Variants in IGF2BP1 observed in about 807,000 individuals in gnomAD.
IGF2BP1 encodes the protein insulin like growth factor 2 mRNA binding protein 1.
IGF2BP1 carries 11 observed loss-of-function variants against 74.9 expected under a neutral mutation model. That is an observed-to-expected ratio of 0.15 (90% CI 0.09 to 0.24). The LOEUF is 0.24. Among genes scored for constraint, IGF2BP1 ranks in the 10% least tolerant of loss-of-function variants. The pLI is 1.00. For synonymous variants in IGF2BP1, 287 were observed against 281.8 expected, an observed-to-expected ratio of 1.02 and a Z score of -0.18; for missense variants, 440 against 757.4, an observed-to-expected ratio of 0.58 and a Z score of 4.92.
At chr17:49,014,928 G>A in intron 2 of IGF2BP1, 1 of 985,254 alleles carries the variant, frequency 1.0e-6, no homozygotes, top group South Asian at 4.7e-5. Context: ...CCCTCTGGAG[G>A]ACAGAGCCCG....
intron 1 of IGF2BP1, 115 bp downstream of exon 1, chr17:48,998,035 G>A: frequency 8.3e-7 from 1 of 1,210,844 alleles, no homozygotes; most frequent in Non-Finnish European, 1.2e-6. Context: ...GCGGGGTTTG[G>A]CCTCCGTACC....
chr17:49,046,113 TC>T, intron 13 of IGF2BP1, 92 bp downstream of exon 13: 1 of 1,514,180 alleles, frequency 6.6e-7, no homozygotes, highest in Non-Finnish European at 9.1e-7. Context: ...ACCTCAGGAC[TC>T]CTGATTTGCT....
intron 2 of IGF2BP1, among the ~76,000 whole-genome samples, chr17:49,006,742 G>T (rs984607947): frequency 3.3e-5 from 5 of 152,200 alleles, no homozygotes; most frequent in Non-Finnish European, 5.9e-5. Flanking sequence ...AAGGGGATCT[G>T]TGCGTAGGGT....
chr17:49,027,566 TTGCCA>T, intron 4 of IGF2BP1, among the ~76,000 whole-genome samples: 1 of 152,162 alleles, frequency 6.6e-6, no homozygotes, highest in East Asian at 1.9e-4. Context: ...CATAAAAAGT[TTGCCA>T]GCCGGGCGCG....
rs1480251404 is a variant in IGF2BP1 at position 49,051,255 on chromosome 17, G to T, written c.*1811G>T. ...GAATATTTTATTTTTTTAATGAAAA[G>T]AAAAAACAAGAAAGTTATGTTTCAT... On this transcript the variant is annotated 3_prime_UTR_variant, in exon 15 of 15. Coordinates refer to ENST00000290341, the MANE Select transcript of IGF2BP1 (RefSeq NM_006546.4). 6.6e-6 allele frequency: 1 copy of T among 152,398 alleles called. No homozygotes were observed. The highest frequency in any genetic ancestry group is 2.4e-5 in the African/African-American group (1 of 41,400). The allele number at this position is 152,398 out of a possible 1,614,324, so 9.4% of individuals were successfully genotyped here. A position where few individuals can be genotyped will look rare whatever the true frequency, so the allele number is the denominator to read the frequency against.
Position 48,997,644 on chromosome 17 carries a change from C to T in IGF2BP1, c.-102C>T, listed in dbSNP as rs1229970535. ...GGTGGGGTGCAAAGAAAGTTTGCGG[C>T]TCCTGCCGCCGGCCTCTCCGCCTCT... is the stretch of plus-strand genomic sequence containing the variant. On this transcript the variant is annotated 5_prime_UTR_variant, in exon 1 of 15. Coordinates refer to ENST00000290341, the MANE Select transcript of IGF2BP1 (RefSeq NM_006546.4). This position sits in a 1 kb window ranked among gnomAD's most constrained non-coding sequence, Gnocchi z 4.8. 1 of 1,296,528 alleles carries T rather than the reference C, an allele frequency of 7.7e-7. No individual in the cohort carries two copies. Among genetic ancestry groups the T allele is most frequent in the East Asian group, 2.4e-5 (1 of 42,272 alleles). The allele number at this position is 1,296,528 out of a possible 1,614,324, so 80.3% of individuals were successfully genotyped here.
chr17:49,004,788 C>G (rs1173972534), intron 2 of IGF2BP1: 1 of 152,174 alleles, frequency 6.6e-6, no homozygotes, highest in East Asian at 1.9e-4. Flanking sequence ...CCTCTCCTCC[C>G]CTATACCTTT....
chr17:49,039,815 C>G, intron 6 of IGF2BP1, 142 bp from the exon 7 acceptor site: 1 of 859,634 alleles, frequency 1.2e-6, no homozygotes, highest in East Asian at 2.5e-5. Flanking sequence ...TTTCATTGCC[C>G]TTCCCAAAGT....
At chr17:48,997,166 A>G (rs545718168), upstream of IGF2BP1, among the ~76,000 whole-genome samples, 5 of 151,642 alleles carry the variant, frequency 3.3e-5, no homozygotes, top group South Asian at 8.3e-4. The surrounding 1 kb of genome is among the most constrained non-coding windows in gnomAD (Gnocchi z 4.8). Flanking sequence ...CCTAGGGGCC[A>G]GGTTCTTGCA....
intron 2 of IGF2BP1, chr17:49,014,790 AC>A (rs1244042074): frequency 2.0e-6 from 2 of 985,106 alleles, no homozygotes; most frequent in Non-Finnish European, 2.4e-6. Context: ...GGCACTAAGG[AC>A]CCCGAGGAGC....
chr17:48,998,824 A>G (rs1200276073), intron 1 of IGF2BP1, among the ~76,000 whole-genome samples: 1 of 152,140 alleles, frequency 6.6e-6, no homozygotes, highest in African/African-American at 2.4e-5. Flanking sequence ...ACCCACACAA[A>G]TGGCCTCGCA....
At chr17:49,005,652 C>G (rs1197123551) in intron 2 of IGF2BP1, among the ~76,000 whole-genome samples, 1 of 152,102 alleles carries the variant, frequency 6.6e-6, no homozygotes, top group Non-Finnish European at 1.5e-5. Flanking sequence ...CCCTTTCTAC[C>G]ATGTCTGGTT....
At chr17:48,999,961 T>TTC (rs1555594005) in intron 2 of IGF2BP1, among the ~76,000 whole-genome samples, 10 of 150,106 alleles carry the variant, frequency 6.7e-5, no homozygotes, top group South Asian at 2.1e-4. Context: ...TGTGTGTGTG[T>TTC]GTTCGTGTGT....
At position 49,049,643 on chromosome 17, in the gene IGF2BP1, C is replaced by T; in HGVS notation, c.*199C>T. 1 of 551,374 alleles carries T rather than the reference C, an allele frequency of 1.8e-6. No individual in the cohort carries two copies. Among genetic ancestry groups the T allele is most frequent in the Non-Finnish European group, 3.2e-6 (1 of 308,290 alleles). The allele number at this position is 551,374 out of a possible 1,614,324, so 34.2% of individuals were successfully genotyped here. ...GCCCCAAACACCCACCCAATTGGCC[C>T]AACACTGTCTGCCCCTCGGGGTGTC... On this transcript the variant is annotated 3_prime_UTR_variant, in exon 15 of 15. Coordinates refer to ENST00000290341, the MANE Select transcript of IGF2BP1 (RefSeq NM_006546.4).
chr17:49,026,619 TCCTTCCTTCCTTCCTG>T (rs61577099), intron 4 of IGF2BP1, 102 bp downstream of exon 4: 241,313 of 879,566 alleles, frequency 0.27, 40,292 homozygotes, highest in African/African-American at 0.39. Flanking sequence ...CTCCCTTCCT[TCCTTCCTTCCTTCCTG>T]CCTTCCTTCC....
At chr17:49,025,115 C>A (rs2041834853) in intron 2 of IGF2BP1, among the ~76,000 whole-genome samples, 1 of 152,062 alleles carries the variant, frequency 6.6e-6, no homozygotes. Context: ...TCGCTTGAAC[C>A]CAGGGGGCAG....
chr17:49,034,887 T>TAAAAAA (rs1329201118), intron 5 of IGF2BP1, among the ~76,000 whole-genome samples: 22 of 152,184 alleles, frequency 1.4e-4, no homozygotes, highest in Non-Finnish European at 4.4e-5. Context: ...ATTTATTACA[T>TAAAAAA]GTTTTCACTT....
At chr17:49,000,611 G>T (rs139068585) in intron 2 of IGF2BP1, among the ~76,000 whole-genome samples, 1 of 152,170 alleles carries the variant, frequency 6.6e-6, no homozygotes, top group African/African-American at 2.4e-5. Context: ...TATTGAAAAG[G>T]ATATGGATAT....
intron 5 of IGF2BP1, among the ~76,000 whole-genome samples, chr17:49,037,809 T>C (rs2042006596): frequency 6.6e-6 from 1 of 152,196 alleles, no homozygotes. Flanking sequence ...GCTTTCCAGT[T>C]GGCATGGGAG....
Sources: gnomAD v4.1 joint callset for allele counts (sites outside exome capture counted in the v4.1 genomes callset) on GRCh38, gnomAD v4.1.1 for gene constraint, Gnocchi (gnomAD v3.1) non-coding constraint, MANE v1.5 for transcripts, NCBI Gene and HGNC (gene_info 2026-07-23, HGNC 2026-07-21) for gene names.